Variants in RASGRP3 observed in about 807,000 individuals in gnomAD.
The protein encoded by RASGRP3 is ras guanyl-releasing protein 3.
In RASGRP3, 54 loss-of-function variants were observed where a neutral mutation model predicts 82.7. The observed-to-expected ratio is 0.65, with a 90% CI of 0.52 to 0.82. The LOEUF (loss-of-function observed/expected upper bound fraction) is 0.82, where lower values mean the gene tolerates loss of function less well. Ranked by LOEUF, RASGRP3 falls within the 40% of genes least tolerant of loss-of-function variation. The pLI, the probability that RASGRP3 is intolerant of heterozygous loss-of-function variation, is 0.00. For synonymous variants in RASGRP3, 309 were observed against 300.5 expected (o/e 1.03, Z -0.29); for missense variants, 861 against 828.9 (o/e 1.04, Z -0.48).
rs538566928 is a variant in RASGRP3, at chr2:33,511,288, T to C, written c.-260-422T>C. 7.4e-4 allele frequency among the ~76,000 whole-genome samples: 113 copies of C among 152,264 alleles called. 3 individuals carry two copies. In the South Asian group the frequency reaches 0.023, roughly 31 times the overall value. On this transcript the variant is annotated intron_variant, in intron 1 of 17. Coordinates refer to ENST00000403687, the MANE Select transcript of RASGRP3 (RefSeq NM_001139488.2). ...CTAAACAACCTGCTCTAAAATAACA[T>C]TGACATTCATGTTGAGACAATCAGT...
Position 33,516,617 on chromosome 2 carries a change from C to A in RASGRP3, c.146C>A (p.Thr49Asn). The change falls in exon 4 of 18, where the codon ACT (threonine) becomes AAT (asparagine). Residue 49 changes from threonine (T) to asparagine (N), a missense_variant. Coordinates refer to ENST00000403687, the MANE Select transcript of RASGRP3 (RefSeq NM_001139488.2). ...ATGCACCGATGGTATTTATCTTCCA[C>A]TGAATTGGCAGAAAAACTTCTCTGC... ...LLMHRWYLSS[T>N]ELAEKLLCMY... is the part of the protein sequence containing the mutation. 1.3e-6 allele frequency: 2 copies of A among 1,584,164 alleles called. No individual in the cohort carries two copies. Among genetic ancestry groups the A allele is most frequent in the Non-Finnish European group, 1.7e-6 (2 of 1,158,806 alleles).
At chr2:33,467,183 A>G (rs1012328259) in intron 2 of RASGRP3, among the ~76,000 whole-genome samples, 2 of 152,172 alleles carry the variant, frequency 1.3e-5, no homozygotes, top group African/African-American at 2.4e-5. Flanking sequence ...ACTTTGATGA[A>G]TTCCTAAAGG....
intron 12 of RASGRP3, among the ~76,000 whole-genome samples, chr2:33,542,829 A>T (rs1178676668): frequency 5.3e-5 from 8 of 152,070 alleles, no homozygotes; most frequent in Middle Eastern, 3.2e-3. Flanking sequence ...GATTGCAGGC[A>T]TATGCCACCA....
chr2:33,561,101 CTG>C (rs1574515528), intron 17 of RASGRP3, among the ~76,000 whole-genome samples: 1 of 151,318 alleles, frequency 6.6e-6, no homozygotes, highest in East Asian at 1.9e-4. Context: ...GAGTCTCACT[CTG>C]TCACCCAGGG....
At chr2:33,512,820 T>A (rs3754825) in intron 2 of RASGRP3, among the ~76,000 whole-genome samples, 94,204 of 151,998 alleles carry the variant, frequency 0.62, 29,562 homozygotes, top group Middle Eastern at 0.72. Flanking sequence ...GGTGTTAAGG[T>A]GTATACCAGA....
intron 1 of RASGRP3, among the ~76,000 whole-genome samples, chr2:33,478,571 C>T (rs1161133625): frequency 6.6e-6 from 1 of 152,024 alleles, no homozygotes; most frequent in Non-Finnish European, 1.5e-5. Context: ...TTTTTGAGAG[C>T]CAACAGGCTC....
At chr2:33,496,575 G>C (rs921531841) in intron 1 of RASGRP3, among the ~76,000 whole-genome samples, 1 of 152,210 alleles carries the variant, frequency 6.6e-6, no homozygotes, top group African/African-American at 2.4e-5. Context: ...AAATGTTTGG[G>C]CTGGGCACAG....
intron 1 of RASGRP3, among the ~76,000 whole-genome samples, chr2:33,480,957 AT>A (rs565578134): frequency 3.4e-4 from 51 of 152,200 alleles, no homozygotes; most frequent in Non-Finnish European, 7.3e-4. Context: ...ATATGCCGGC[AT>A]AAGGCACTTT....
At chr2:33,466,122 T>C (rs1405578307) in intron 2 of RASGRP3, among the ~76,000 whole-genome samples, 1 of 152,196 alleles carries the variant, frequency 6.6e-6, no homozygotes, top group Admixed American at 6.5e-5. Flanking sequence ...GATCAAGAAG[T>C]AATTCCAACT....
At chr2:33,533,398 A>G (rs1457213477) in intron 10 of RASGRP3, 2 of 152,194 alleles carry the variant, frequency 1.3e-5, no homozygotes, top group Non-Finnish European at 2.9e-5. Flanking sequence ...CGGGGCCCCT[A>G]TGCATAGTAA....
In RASGRP3 at chr2:33,549,611, CTAA is replaced by C; in HGVS notation, c.1404_1406del (p.Ile469del). The C allele has an allele frequency of 6.2e-7, 1 of 1,612,392 alleles. No individual in the cohort carries two copies. Among genetic ancestry groups the C allele is most frequent in the South Asian group, 1.1e-5 (1 of 90,718 alleles). ...CTTTGATTCTCTTAACAGGGATGGC[CTAA>C]TTAGTAAAGATGAAATGATGGCTTA... On this transcript the variant is annotated inframe_deletion, in exon 14 of 18. Transcript: ENST00000403687.
chr2:33,559,514 G>A (rs763409174), intron 17 of RASGRP3: 14 of 444,752 alleles, frequency 3.1e-5, no homozygotes, highest in East Asian at 1.2e-4. Context: ...TCAGAGATAC[G>A]AGGCCCTTGA....
Position 33,455,978 on chromosome 2 carries a change from A to G in RASGRP3, c.-261+8035A>G, listed in dbSNP as rs1666015698. 2.6e-5 allele frequency among the ~76,000 whole-genome samples: 4 copies of G among 152,154 alleles called. No homozygotes were observed. In the South Asian group the frequency reaches 8.3e-4, roughly 32 times the overall value. On this transcript the variant is annotated intron_variant, in intron 2 of 18. Transcript: ENST00000402538. Reference sequence around the variant, plus strand: ...CAGTTAGACAATTTCACGTGCATTTAATTTACCCTTCTGCTGAAATTATGG... The same window carrying G: ...CAGTTAGACAATTTCACGTGCATTTGATTTACCCTTCTGCTGAAATTATGG...
intron 1 of RASGRP3, among the ~76,000 whole-genome samples, chr2:33,507,019 C>A (rs186008317): frequency 6.7e-4 from 102 of 152,244 alleles, no homozygotes; most frequent in African/African-American, 2.2e-3. Flanking sequence ...ATTCAAAGAA[C>A]AGAATAGTGA....
chr2:33,463,165 A>C (rs368889326), intron 2 of RASGRP3, among the ~76,000 whole-genome samples: 42 of 152,320 alleles, frequency 2.8e-4, no homozygotes, highest in Non-Finnish European at 5.4e-4. Context: ...GCTGTGTGTA[A>C]GTAATTATGC....
At chr2:33,440,111 G>C (rs558765282) in intron 1 of RASGRP3, among the ~76,000 whole-genome samples, 1 of 152,280 alleles carries the variant, frequency 6.6e-6, no homozygotes, top group South Asian at 2.1e-4. Context: ...GAGAGGGATG[G>C]GGATTTTGGT....
chr2:33,489,637 C>G (rs1188816323), intron 1 of RASGRP3, among the ~76,000 whole-genome samples: 2 of 152,144 alleles, frequency 1.3e-5, no homozygotes, highest in Non-Finnish European at 1.5e-5. Context: ...GGAATCTCAG[C>G]TCACTGTGAC....
intron 10 of RASGRP3, among the ~76,000 whole-genome samples, chr2:33,529,881 G>A (rs1313439418): frequency 1.3e-5 from 2 of 152,144 alleles, no homozygotes; most frequent in African/African-American, 4.8e-5. Flanking sequence ...TGATTCTGTA[G>A]TACCAGCCCA....
intron 2 of RASGRP3, among the ~76,000 whole-genome samples, chr2:33,464,687 G>C (rs778293318): frequency 2.6e-5 from 4 of 152,094 alleles, no homozygotes; most frequent in Non-Finnish European, 4.4e-5. Flanking sequence ...ATGTTGCCCA[G>C]GTTAGTCTCA....
Sources: gnomAD v4.1 joint callset for allele counts (sites outside exome capture counted in the v4.1 genomes callset) on GRCh38, gnomAD v4.1.1 for gene constraint, MANE v1.5 for transcripts, NCBI Gene and HGNC (gene_info 2026-07-23, HGNC 2026-07-21) for gene names.